IL15: variants seen among roughly 807,000 people sequenced by gnomAD.
The protein encoded by IL15 is interleukin 15.
Under a neutral mutation model 19.6 loss-of-function variants are expected in IL15, and 11 were observed. The ratio of observed to expected loss-of-function variants is 0.56; its 90% CI spans 0.35 to 0.93. The LOEUF (loss-of-function observed/expected upper bound fraction) is 0.93. Among genes scored for constraint, IL15 ranks in the 40% least tolerant of loss-of-function variants. The pLI is 0.01. For synonymous variants in IL15, 58 were observed against 59.6 expected (o/e 0.97, Z 0.12); for missense variants, 197 against 186.5 (o/e 1.06, Z -0.33).
intron 2 of IL15, among the ~76,000 whole-genome samples, chr4:141,707,168 C>A (rs753263459): frequency 1.3e-5 from 2 of 151,976 alleles, no homozygotes; most frequent in Non-Finnish European, 2.9e-5. Flanking sequence ...TCAGAAATTC[C>A]TTCATGAAAG....
intron 1 of IL15, among the ~76,000 whole-genome samples, chr4:141,644,490 C>A (rs887825856): frequency 6.6e-6 from 1 of 152,138 alleles, no homozygotes; most frequent in African/African-American, 2.4e-5. Context: ...GCCAAGCATC[C>A]ATCTCTCCGT....
At chr4:141,651,432 T>C (rs1727403216) in intron 1 of IL15, among the ~76,000 whole-genome samples, 1 of 151,846 alleles carries the variant, frequency 6.6e-6, no homozygotes, top group Non-Finnish European at 1.5e-5. Context: ...ATCCAAAAGG[T>C]TTGGAGGATG....
At chr4:141,661,761 TTA>T (rs1485450487) in intron 2 of IL15, among the ~76,000 whole-genome samples, 1 of 152,164 alleles carries the variant, frequency 6.6e-6, no homozygotes, top group Non-Finnish European at 1.5e-5. Flanking sequence ...TTGCACTCCC[TTA>T]TATTGGCTCC....
chr4:141,639,090 T>C (rs1376594713), intron 1 of IL15, among the ~76,000 whole-genome samples: 3 of 152,208 alleles, frequency 2.0e-5, no homozygotes, highest in Non-Finnish European at 4.4e-5. Flanking sequence ...GTTCTAAGGA[T>C]GTATTTTTTA....
chr4:141,699,549 T>G (rs1365361622), intron 2 of IL15, among the ~76,000 whole-genome samples: 2 of 152,184 alleles, frequency 1.3e-5, no homozygotes, highest in Non-Finnish European at 2.9e-5. Flanking sequence ...GTAGCATCTT[T>G]CTGTTGGACT....
At chr4:141,729,823 G>T (rs1033026459) in intron 6 of IL15, 24 bp from the exon 7 acceptor site, 4 of 1,347,524 alleles carry the variant, frequency 3.0e-6, no homozygotes, top group South Asian at 2.5e-5. Flanking sequence ...AAAAGTAATT[G>T]TTCTTTATAA....
intron 1 of IL15, 152 bp downstream of exon 1, chr4:141,636,900 G>A (rs1726874107): frequency 6.6e-6 from 1 of 152,418 alleles, no homozygotes; most frequent in Non-Finnish European, 1.5e-5. Context: ...GCCTTCTCAT[G>A]GGGAAAACTT....
At chr4:141,709,028 T>A (rs992173481) in intron 2 of IL15, among the ~76,000 whole-genome samples, 3 of 107,478 alleles carry the variant, frequency 2.8e-5, no homozygotes, top group Non-Finnish European at 6.5e-5. Flanking sequence ...ATATTGAAAA[T>A]TTTCAATATT....
chr4:141,692,061 T>C (rs72946480), intron 2 of IL15, among the ~76,000 whole-genome samples: 224 of 152,338 alleles, frequency 1.5e-3, no homozygotes, highest in African/African-American at 4.9e-3. Context: ...AGCTCAATTC[T>C]TGTCTTCTGT....
At chr4:141,699,414 C>T (rs1729208055) in intron 2 of IL15, among the ~76,000 whole-genome samples, 1 of 152,102 alleles carries the variant, frequency 6.6e-6, no homozygotes, top group African/African-American at 2.4e-5. Context: ...CGACCTAGCG[C>T]TGTCAGAGGA....
chr4:141,727,116 T>A (rs1205771807), intron 5 of IL15, among the ~76,000 whole-genome samples: 2 of 152,088 alleles, frequency 1.3e-5, no homozygotes, highest in East Asian at 3.8e-4. Context: ...AATATTAATA[T>A]ATGATGATGG....
rs1438490277 is a variant in IL15, at chr4:141,679,588, AT to A, written c.-100+23285del. On this transcript the variant is annotated intron_variant, in intron 2 of 7. Transcript: ENST00000320650. ...AGAAATATCTTTTATTTTGAATGCT[AT>A]TTTGTCATAATTCATGCATGATTGT... Among the ~76,000 whole-genome samples, 4 of 152,162 alleles carry A rather than the reference AT, an allele frequency of 2.6e-5. No individual in the cohort carries two copies. The South Asian group carries it at 8.3e-4, about 32-fold the overall frequency.
chr4:141,704,644 G>C (rs892553012), intron 2 of IL15: 1 of 327,558 alleles, frequency 3.1e-6, no homozygotes, highest in African/African-American at 2.2e-5. Context: ...ATATTTGGTG[G>C]AATTCAGCAG....
intron 1 of IL15, among the ~76,000 whole-genome samples, chr4:141,653,863 G>C (rs967619817): frequency 2.0e-4 from 30 of 152,168 alleles, no homozygotes; most frequent in Admixed American, 1.1e-3. Flanking sequence ...CAAGTCTCAT[G>C]AGATGTTCAA....
intron 2 of IL15, among the ~76,000 whole-genome samples, chr4:141,662,298 T>C (rs1284479858): frequency 6.6e-6 from 1 of 152,258 alleles, no homozygotes; most frequent in Non-Finnish European, 1.5e-5. Flanking sequence ...AAGAGATGTT[T>C]TTAAATTACC....
intron 5 of IL15, among the ~76,000 whole-genome samples, chr4:141,724,702 G>C (rs1039633296): frequency 6.6e-6 from 1 of 152,014 alleles, no homozygotes; most frequent in African/African-American, 2.4e-5. Context: ...TAACTTAGAG[G>C]AAATGGACCA....
At chr4:141,667,767 G>A (rs1174733366) in intron 2 of IL15, among the ~76,000 whole-genome samples, 1 of 152,016 alleles carries the variant, frequency 6.6e-6, no homozygotes, top group African/African-American at 2.4e-5. Flanking sequence ...GTAATGCGGG[G>A]TGTATTTATT....
chr4:141,672,881 T>A (rs1401472476), intron 2 of IL15, among the ~76,000 whole-genome samples: 1 of 152,200 alleles, frequency 6.6e-6, no homozygotes, highest in Non-Finnish European at 1.5e-5. Context: ...ACTATTCTTT[T>A]GATGAGTGTC....
chr4:141,644,823 A>G (rs2152151910), intron 1 of IL15, among the ~76,000 whole-genome samples: 1 of 152,300 alleles, frequency 6.6e-6, no homozygotes, highest in African/African-American at 2.4e-5. Flanking sequence ...GGCATATAAC[A>G]GTTGCTAGTC....
Sources: allele counts gnomAD v4.1 joint callset (sites outside exome capture counted in the v4.1 genomes callset), GRCh38; gene constraint gnomAD v4.1.1; transcripts MANE v1.5; gene names NCBI Gene and HGNC (gene_info 2026-07-23, HGNC 2026-07-21).